ADCYAP1R1: variants seen among roughly 807,000 people sequenced by gnomAD.
ADCYAP1R1 encodes the protein pituitary adenylate cyclase-activating polypeptide type I receptor.
Under a neutral mutation model 67.6 loss-of-function variants are expected in ADCYAP1R1, and 44 were observed. The ratio of observed to expected loss-of-function variants is 0.65; its 90% CI spans 0.51 to 0.84. The LOEUF is 0.84. Ranked by LOEUF, ADCYAP1R1 falls within the 40% of genes least tolerant of loss-of-function variation. ADCYAP1R1 has a pLI of 0.00. For synonymous variants in ADCYAP1R1, 222 were observed against 219.6 expected (o/e 1.01, Z -0.10); for missense variants, 477 against 587.9 (o/e 0.81, Z 1.95).
intron 13 of ADCYAP1R1, among the ~76,000 whole-genome samples, chr7:31,099,361 A>T (rs533560534): frequency 6.6e-6 from 1 of 152,314 alleles, no homozygotes; most frequent in African/African-American, 2.4e-5. Context: ...TATGATAACC[A>T]CTAGCTCCAT....
At chr7:31,104,615 C>A (rs940454296) in intron 14 of ADCYAP1R1, among the ~76,000 whole-genome samples, 1 of 152,122 alleles carries the variant, frequency 6.6e-6, no homozygotes, top group African/African-American at 2.4e-5. Context: ...TGGGAAGGAT[C>A]TGACCAAGGG....
intron 1 of ADCYAP1R1, among the ~76,000 whole-genome samples, chr7:31,058,472 C>G (rs34778473): frequency 0.34 from 51,117 of 151,918 alleles, 8,930 homozygotes; most frequent in African/African-American, 0.39. Context: ...ATTGGGATCC[C>G]CCTGAATTCC....
chr7:31,086,856 A>G lies in ADCYAP1R1; in HGVS notation c.824-87A>G, dbSNP rs531167488. 7 of 1,393,758 alleles carry G rather than the reference A, an allele frequency of 5.0e-6. No homozygotes were observed. The highest frequency in any genetic ancestry group is 2.8e-5 in the African/African-American group (2 of 70,350). The allele number at this position is 1,393,758 out of a possible 1,614,324, so 86.3% of individuals were successfully genotyped here. A position where few individuals can be genotyped will look rare whatever the true frequency, so the allele number is the denominator to read the frequency against. On this transcript the variant is annotated intron_variant, in intron 10 of 15. Transcript: ENST00000304166. This position sits in a 1 kb window ranked among gnomAD's most constrained non-coding sequence, Gnocchi z 5.0. The stretch of plus-strand genomic sequence containing the variant: ...GAATTCCAAGTCTCATGGGGGAGCA[A>G]TAGCCTCTCGGAGCCCCAGGTCTAC...
chr7:31,071,351 G>A (rs2128621154), intron 3 of ADCYAP1R1, among the ~76,000 whole-genome samples: 1 of 152,308 alleles, frequency 6.6e-6, no homozygotes, highest in Non-Finnish European at 1.5e-5. Flanking sequence ...TAGGGAGAGT[G>A]TACGCAGCAC....
intron 7 of ADCYAP1R1, 23 bp from the exon 8 acceptor site, chr7:31,084,714 G>T: frequency 6.3e-7 from 1 of 1,597,086 alleles, no homozygotes; most frequent in Non-Finnish European, 8.6e-7. Flanking sequence ...ATGAAGTCCT[G>T]CATGTCCTGT....
At chr7:31,079,214 C>T (rs910729213) in intron 4 of ADCYAP1R1, among the ~76,000 whole-genome samples, 8 of 152,208 alleles carry the variant, frequency 5.3e-5, no homozygotes, top group Non-Finnish European at 8.8e-5. Context: ...TCCTGCCTTT[C>T]GGCTGGGACC....
chr7:31,059,745 T>C (rs117565995), intron 1 of ADCYAP1R1, among the ~76,000 whole-genome samples: 58 of 151,968 alleles, frequency 3.8e-4, no homozygotes, highest in African/African-American at 1.3e-3. Flanking sequence ...CGTTGTCCAG[T>C]TGGGGGCAGT....
chr7:31,092,778 G>C (rs767931616), intron 13 of ADCYAP1R1, 43 bp downstream of exon 13: 1 of 1,481,264 alleles, frequency 6.8e-7, no homozygotes, highest in East Asian at 2.3e-5. Context: ...TCTGACAGCC[G>C]AGCGGGCCCT....
chr7:31,052,728 C>T (rs898675263), intron 1 of ADCYAP1R1, 50 bp downstream of exon 1: 1 of 103,448 alleles, frequency 9.7e-6, no homozygotes, highest in Non-Finnish European at 1.9e-5. Context: ...GCCGTCTTCT[C>T]CCCCTCCAGA....
intron 13 of ADCYAP1R1, among the ~76,000 whole-genome samples, chr7:31,095,934 TG>T (rs1796175075): frequency 6.6e-6 from 1 of 152,098 alleles, no homozygotes; most frequent in Non-Finnish European, 1.5e-5. Flanking sequence ...GGACAGGACT[TG>T]GGCAGTGGGC....
chr7:31,082,983 A>G (rs1256642628), intron 6 of ADCYAP1R1, among the ~76,000 whole-genome samples: 1 of 152,270 alleles, frequency 6.6e-6, no homozygotes, highest in Non-Finnish European at 1.5e-5. Flanking sequence ...TGCCTCCCAC[A>G]GAGGCTGACC....
At chr7:31,071,126 C>G (rs1794957860) in intron 3 of ADCYAP1R1, among the ~76,000 whole-genome samples, 1 of 152,224 alleles carries the variant, frequency 6.6e-6, no homozygotes, top group Non-Finnish European at 1.5e-5. Flanking sequence ...GCCTGAGTCT[C>G]TTTGGTGCCC....
At chr7:31,084,675 G>A in intron 7 of ADCYAP1R1, 62 bp from the exon 8 acceptor site, 1 of 1,424,336 alleles carries the variant, frequency 7.0e-7, no homozygotes, top group Non-Finnish European at 9.9e-7. Context: ...GTGCAGGCCT[G>A]AGGCAGCCTG....
intron 13 of ADCYAP1R1, among the ~76,000 whole-genome samples, chr7:31,096,935 G>A (rs1046615461): frequency 6.6e-6 from 1 of 152,234 alleles, no homozygotes; most frequent in Admixed American, 6.5e-5. Context: ...CCCTGCAGGT[G>A]TCTCTGTCTA....
At chr7:31,073,886 T>C (rs564311346) in intron 3 of ADCYAP1R1, among the ~76,000 whole-genome samples, 1 of 152,280 alleles carries the variant, frequency 6.6e-6, no homozygotes, top group East Asian at 1.9e-4. Context: ...CCACCTGCCC[T>C]GGTACTATAC....
At chr7:31,066,951 C>T (rs1321006276) in intron 3 of ADCYAP1R1, among the ~76,000 whole-genome samples, 1 of 152,164 alleles carries the variant, frequency 6.6e-6, no homozygotes, top group Non-Finnish European at 1.5e-5. Flanking sequence ...ATTGAGGGGG[C>T]ATGGCTGAGG....
rs956007382 is a variant in ADCYAP1R1 at position 31,102,459 on chromosome 7, C to G, written c.1047-778C>G. On this transcript the variant is annotated intron_variant, in intron 13 of 15. Coordinates refer to ENST00000304166, the MANE Select transcript of ADCYAP1R1 (RefSeq NM_001118.5). This position sits in a 1 kb window ranked among gnomAD's most constrained non-coding sequence, Gnocchi z 4.3. ...GCTGTGGGCTTCTGTGGCCCTGTGG[C>G]TTCAGAACAGAGCCCCACCGTGCTG... 6.6e-6 allele frequency among the ~76,000 whole-genome samples: 1 copy of G among 152,152 alleles called. No individual in the cohort carries two copies. Among genetic ancestry groups the G allele is most frequent in the Non-Finnish European group, 1.5e-5 (1 of 68,028 alleles).
At chr7:31,071,541 C>CTGCA (rs1189011706) in intron 3 of ADCYAP1R1, among the ~76,000 whole-genome samples, 1 of 152,206 alleles carries the variant, frequency 6.6e-6, no homozygotes, top group Non-Finnish European at 1.5e-5. Flanking sequence ...TTGGCCTGGG[C>CTGCA]TGCACTCGGC....
chr7:31,096,193 T>G (rs950213632), intron 13 of ADCYAP1R1, among the ~76,000 whole-genome samples: 2 of 152,170 alleles, frequency 1.3e-5, no homozygotes, highest in Admixed American at 6.5e-5. Context: ...GGCTTCATTC[T>G]AGGGGTCTCC....
Sources: allele counts gnomAD v4.1 joint callset (sites outside exome capture counted in the v4.1 genomes callset), GRCh38; gene constraint gnomAD v4.1.1; non-coding constraint Gnocchi (gnomAD v3.1); transcripts MANE v1.5; gene names NCBI Gene and HGNC (gene_info 2026-07-23, HGNC 2026-07-21).